Variants in SAMD4A observed in about 807,000 individuals in gnomAD.
The protein encoded by SAMD4A is protein Smaug homolog 1.
Under a neutral mutation model 81.3 loss-of-function variants are expected in SAMD4A, and 33 were observed. The ratio of observed to expected loss-of-function variants is 0.41; its 90% CI spans 0.31 to 0.54. The LOEUF (loss-of-function observed/expected upper bound fraction) is 0.54, where lower values mean the gene tolerates loss of function less well. Among genes scored for constraint, SAMD4A ranks in the 20% least tolerant of loss-of-function variants. The probability of loss-of-function intolerance (pLI) is 0.37; values close to 1 mark genes in which losing one functional copy is unlikely to be tolerated. For synonymous variants in SAMD4A, 389 were observed against 382.1 expected (o/e 1.02, Z -0.21); for missense variants, 854 against 951.1 (o/e 0.90, Z 1.34).
At chr14:54,764,188 T>G (rs1157554112) in intron 7 of SAMD4A, among the ~76,000 whole-genome samples, 2 of 152,180 alleles carry the variant, frequency 1.3e-5, no homozygotes, top group Non-Finnish European at 2.9e-5. Context: ...TTCTTCCTCT[T>G]ATTGCAGTGT....
chr14:54,581,298 T>C (rs1014089853), intron 2 of SAMD4A, among the ~76,000 whole-genome samples: 3 of 152,176 alleles, frequency 2.0e-5, no homozygotes, highest in Non-Finnish European at 4.4e-5. Flanking sequence ...GGAATGTGGG[T>C]TTTAAAAGGT....
intron 2 of SAMD4A, among the ~76,000 whole-genome samples, chr14:54,573,532 G>A (rs2033196066): frequency 6.6e-6 from 1 of 152,186 alleles, no homozygotes; most frequent in Non-Finnish European, 1.5e-5. Context: ...TGTGGGTGAA[G>A]TGCTTTGTGT....
chr14:54,713,995 GATAGGTAGTTGATGC>G (rs2037055988), intron 3 of SAMD4A, among the ~76,000 whole-genome samples: 1 of 152,200 alleles, frequency 6.6e-6, no homozygotes, highest in Non-Finnish European at 1.5e-5. Context: ...ACTTGATCCA[GATAGGTAGTTGATGC>G]ATTCATTGTA....
At position 54,764,437 on chromosome 14, in the gene SAMD4A, T is replaced by G; in HGVS notation, c.1511-18T>G. On this transcript the variant is annotated intron_variant, in intron 7 of 12. Transcript: ENST00000554335. Reference sequence around the variant, plus strand: ...AAGGGGTGCATTTTTCTAATTCATCTTTTCTTTTTAATTACAGTGTGCACA... The same window carrying G: ...AAGGGGTGCATTTTTCTAATTCATCGTTTCTTTTTAATTACAGTGTGCACA... The G allele has an allele frequency of 1.3e-6, 2 of 1,558,678 alleles. 1 individual carries two copies. Among genetic ancestry groups the G allele is most frequent in the Non-Finnish European group, 1.8e-6 (2 of 1,142,772 alleles).
At chr14:54,764,413 A>G in intron 7 of SAMD4A, 42 bp from the exon 8 acceptor site, 1 of 1,317,924 alleles carries the variant, frequency 7.6e-7, no homozygotes. Context: ...GAGATTAGAA[A>G]GGGGTGCATT....
At chr14:54,705,407 T>C (rs1177042143) in intron 3 of SAMD4A, among the ~76,000 whole-genome samples, 1 of 152,160 alleles carries the variant, frequency 6.6e-6, no homozygotes, top group Non-Finnish European at 1.5e-5. Context: ...CTTCTTCTAC[T>C]GCACTGAAGA....
intron 6 of SAMD4A, 98 bp downstream of exon 6, chr14:54,751,635 C>T (rs1161421943): frequency 1.3e-5 from 10 of 795,794 alleles, no homozygotes; most frequent in East Asian, 2.6e-5. Flanking sequence ...CCTTCTAGAG[C>T]GTACCATGTG....
At position 54,601,468 on chromosome 14, in the gene SAMD4A, C is replaced by T. The variant is rs569198289; in HGVS notation, c.196+33356C>T. Reference sequence around the variant, plus strand: ...TGTTAGTCTCCTGCTTCCTTCTGAACTTCTCCTTTGTCCTTTTTGATTCAT... The same window carrying T: ...TGTTAGTCTCCTGCTTCCTTCTGAATTTCTCCTTTGTCCTTTTTGATTCAT... On this transcript the variant is annotated intron_variant, in intron 2 of 12. Transcript: ENST00000554335. 2.1e-4 allele frequency among the ~76,000 whole-genome samples: 32 copies of T among 152,320 alleles called. No homozygotes were observed. The South Asian group carries it at 6.6e-3, about 32-fold the overall frequency.
chr14:54,724,009 G>GAAGGA (rs2140875184), intron 3 of SAMD4A, among the ~76,000 whole-genome samples: 1 of 124,816 alleles, frequency 8.0e-6, no homozygotes, highest in East Asian at 2.5e-4. Flanking sequence ...TGGATGGATG[G>GAAGGA]AAGGAAGGAA....
At chr14:54,743,273 G>T (rs2037888810) in intron 4 of SAMD4A, among the ~76,000 whole-genome samples, 1 of 152,204 alleles carries the variant, frequency 6.6e-6, no homozygotes, top group South Asian at 2.1e-4. Flanking sequence ...TCACTTAAAG[G>T]AAGGCCAGTA....
intron 2 of SAMD4A, among the ~76,000 whole-genome samples, chr14:54,572,904 G>A (rs962953694): frequency 1.3e-5 from 2 of 152,150 alleles, no homozygotes; most frequent in African/African-American, 4.8e-5. Flanking sequence ...AAGAGATTGA[G>A]GATGACTTGG....
chr14:54,761,634 A>G (rs938245465), intron 7 of SAMD4A, among the ~76,000 whole-genome samples: 5 of 152,242 alleles, frequency 3.3e-5, no homozygotes, highest in Non-Finnish European at 5.9e-5. Context: ...CTGGGTGGAC[A>G]CAGCACTGCT....
At position 54,737,046 on chromosome 14, in the gene SAMD4A, C is replaced by T; in HGVS notation, c.738C>T (p.His246=). The T allele has an allele frequency of 1.2e-6, 2 of 1,613,974 alleles. No homozygotes were observed. Among genetic ancestry groups the T allele is most frequent in the Non-Finnish European group, 1.7e-6 (2 of 1,180,002 alleles). ...CAGTTCTCTCAGGCCAGGCACACCA[C>T]AGCCCTTTGAAACGATCTGTGTCCC... is the stretch of plus-strand genomic sequence containing the variant. ...TSTILSGQAH[H]SPLKRSVSLT... Residue 246 remains histidine, a synonymous_variant, in exon 4 of 13, where the codon CAC becomes CAT. Coordinates refer to ENST00000554335, the MANE Select transcript of SAMD4A (RefSeq NM_015589.6).
chr14:54,590,575 C>G (rs2033747811), intron 2 of SAMD4A, among the ~76,000 whole-genome samples: 1 of 152,198 alleles, frequency 6.6e-6, no homozygotes, highest in Non-Finnish European at 1.5e-5. Flanking sequence ...TCCCTTTTCT[C>G]TTTCCTGAGT....
intron 3 of SAMD4A, among the ~76,000 whole-genome samples, chr14:54,718,200 G>A (rs2037170071): frequency 6.6e-6 from 1 of 152,220 alleles, no homozygotes; most frequent in South Asian, 2.1e-4. Flanking sequence ...ACGTCTGCAT[G>A]TCTGCGTGTG....
At chr14:54,698,826 C>T (rs1163885816) in intron 2 of SAMD4A, among the ~76,000 whole-genome samples, 6 of 152,202 alleles carry the variant, frequency 3.9e-5, no homozygotes, top group Non-Finnish European at 8.8e-5. Flanking sequence ...ATGCTTGTTC[C>T]TCCTCTGAAT....
intron 2 of SAMD4A, chr14:54,681,949 C>G (rs1166499180): frequency 1.0e-6 from 1 of 985,262 alleles, no homozygotes; most frequent in Non-Finnish European, 1.2e-6. Flanking sequence ...AAATGCAGAG[C>G]CATTGAAGAC....
At chr14:54,773,221 T>C (rs1163467954) in intron 9 of SAMD4A, among the ~76,000 whole-genome samples, 1 of 152,178 alleles carries the variant, frequency 6.6e-6, no homozygotes, top group Non-Finnish European at 1.5e-5. Context: ...TTCTGAGATC[T>C]GCACTGCTGG....
chr14:54,757,413 G>T (rs1326064967), intron 6 of SAMD4A, among the ~76,000 whole-genome samples: 1 of 146,718 alleles, frequency 6.8e-6, no homozygotes, highest in African/African-American at 2.6e-5. Context: ...GTGTGTGTGT[G>T]TGTGTGTGTG....
Sources: gnomAD v4.1 joint callset for allele counts (sites outside exome capture counted in the v4.1 genomes callset) on GRCh38, gnomAD v4.1.1 for gene constraint, MANE v1.5 for transcripts, NCBI Gene and HGNC (gene_info 2026-07-23, HGNC 2026-07-21) for gene names.